GYS2: variants seen among roughly 807,000 people sequenced by gnomAD.
GYS2 encodes the protein glycogen [starch] synthase, liver.
In GYS2, 80 loss-of-function variants were observed where a neutral mutation model predicts 85.6. The ratio of observed to expected loss-of-function variants is 0.93; its 90% CI spans 0.78 to 1.13. GYS2 has a LOEUF of 1.13. Among genes scored for constraint, GYS2 ranks in the 50% most tolerant of loss-of-function variants. GYS2 has a pLI of 0.00. For synonymous variants in GYS2, 328 were observed against 300.7 expected, an observed-to-expected ratio of 1.09 and a Z score of -0.94; for missense variants, 881 against 854.9, an observed-to-expected ratio of 1.03 and a Z score of -0.38.
intron 1 of GYS2, among the ~76,000 whole-genome samples, chr12:21,602,537 T>G (rs1247435575): frequency 2.0e-5 from 3 of 152,048 alleles, no homozygotes; most frequent in African/African-American, 7.2e-5. Context: ...CATACCAGGC[T>G]ATGATAATAT....
intron 11 of GYS2, among the ~76,000 whole-genome samples, chr12:21,554,580 A>T (rs1451378961): frequency 6.6e-6 from 1 of 152,166 alleles, no homozygotes; most frequent in African/African-American, 2.4e-5. Context: ...AACACAATTT[A>T]TTGTAATCAC....
intron 3 of GYS2, among the ~76,000 whole-genome samples, 180 bp downstream of exon 3, chr12:21,575,686 C>T (rs954935482): frequency 1.1e-4 from 17 of 152,108 alleles, no homozygotes; most frequent in African/African-American, 2.9e-4. Context: ...ATCATTATTA[C>T]GCTATTCCAT....
intron 7 of GYS2, among the ~76,000 whole-genome samples, chr12:21,562,053 C>T (rs1282118969): frequency 1.3e-5 from 2 of 152,160 alleles, no homozygotes; most frequent in African/African-American, 4.8e-5. Flanking sequence ...AAACCAATAG[C>T]TGCCATCAAT....
At chr12:21,555,571 A>G (rs773092625) in intron 11 of GYS2, among the ~76,000 whole-genome samples, 2 of 152,214 alleles carry the variant, frequency 1.3e-5, no homozygotes, top group African/African-American at 2.4e-5. Flanking sequence ...CATTTGTCTC[A>G]TCTGAGTTCC....
At chr12:21,603,591 A>G (rs539889835) in intron 1 of GYS2, among the ~76,000 whole-genome samples, 1 of 152,218 alleles carries the variant, frequency 6.6e-6, no homozygotes, top group East Asian at 1.9e-4. Context: ...AACACATGAC[A>G]TAATTTCAGA....
chr12:21,596,037 T>A (rs941972856), intron 1 of GYS2, among the ~76,000 whole-genome samples: 4 of 152,120 alleles, frequency 2.6e-5, no homozygotes, highest in African/African-American at 9.7e-5. Flanking sequence ...GTAGACCATA[T>A]GATAGGCCAT....
rs255437 is a variant in GYS2, at chr12:21,595,488, A to C, written c.121+8984T>G. Among the ~76,000 whole-genome samples the C allele has an allele frequency of 5.0e-3, 768 of 152,338 alleles. 6 individuals are homozygous for C. Among genetic ancestry groups the C allele is most frequent in the African/African-American group, 0.017 (715 of 41,582 alleles). On this transcript the variant is annotated intron_variant, in intron 1 of 15. Coordinates refer to ENST00000261195, the MANE Select transcript of GYS2 (RefSeq NM_021957.4). ...AGAGCTGAGCAAAATACAGGTGTAG[A>C]GGAAGCAGTGAGAAAGGCCCTGGGA... is the stretch of plus-strand genomic sequence containing the variant.
At chr12:21,590,416 T>A (rs544671626) in intron 1 of GYS2, among the ~76,000 whole-genome samples, 1 of 152,288 alleles carries the variant, frequency 6.6e-6, no homozygotes, top group Non-Finnish European at 1.5e-5. Context: ...AGCCTGATGA[T>A]GGGCCTACCC....
At chr12:21,548,630 A>G (rs116866990) in intron 11 of GYS2, among the ~76,000 whole-genome samples, 3,129 of 152,250 alleles carry the variant, frequency 0.021, 63 homozygotes, top group Non-Finnish European at 0.029. Flanking sequence ...CACTTGTATG[A>G]GCCAGTTCTG....
intron 12 of GYS2, among the ~76,000 whole-genome samples, chr12:21,545,373 C>T (rs1289774106): frequency 2.0e-5 from 3 of 152,130 alleles, no homozygotes; most frequent in Non-Finnish European, 4.4e-5. Flanking sequence ...ACCCAGGAGG[C>T]GAAGGTTGCA....
At chr12:21,548,178 T>A (rs1944064292) in intron 11 of GYS2, among the ~76,000 whole-genome samples, 1 of 152,206 alleles carries the variant, frequency 6.6e-6, no homozygotes, top group Non-Finnish European at 1.5e-5. Context: ...GTGACTTCTT[T>A]GCTGGGTCAG....
At position 21,540,557 on chromosome 12, in the gene GYS2, G is replaced by A. The variant is rs746242681; in HGVS notation, c.1662C>T (p.Asp554=). Residue 554 remains aspartate, a synonymous_variant, in exon 14 of 16, where the codon GAC becomes GAT. Transcript: ENST00000261195. Reference sequence around the variant, plus strand: ...AATCATCTGGAGAACGGAACCGCCTGTCAACGATGTAAATACCTGAAGAAC... The same window carrying A: ...AATCATCTGGAGAACGGAACCGCCTATCAACGATGTAAATACCTGAAGAAC... ...DPTAYGIYIV[D]RRFRSPDDSC... is the part of the protein sequence containing the mutation. 3.1e-6 allele frequency: 5 copies of A among 1,613,904 alleles called. No individual in the cohort carries two copies. The highest frequency in any genetic ancestry group is 4.2e-6 in the Non-Finnish European group (5 of 1,179,836).
At chr12:21,533,290 A>G (rs1298760742), downstream of GYS2, among the ~76,000 whole-genome samples, 3 of 152,196 alleles carry the variant, frequency 2.0e-5, no homozygotes, top group African/African-American at 7.2e-5. Context: ...TGTGTTCCTA[A>G]GAGAGGAGAG....
At chr12:21,549,200 A>C (rs1352465893) in intron 11 of GYS2, among the ~76,000 whole-genome samples, 1 of 152,150 alleles carries the variant, frequency 6.6e-6, no homozygotes, top group Non-Finnish European at 1.5e-5. Flanking sequence ...TATTTCTCCC[A>C]CTTACTACAG....
Position 21,604,767 on chromosome 12 carries a change from G to A in GYS2, c.-175C>T, listed in dbSNP as rs1944788829. 2 of 1,410,010 alleles carry A rather than the reference G, an allele frequency of 1.4e-6. No homozygotes were observed. Among genetic ancestry groups the A allele is most frequent in the African/African-American group, 1.4e-5 (1 of 69,046 alleles). 87.3% of individuals were successfully genotyped at this position (1,410,010 alleles called of 1,614,324 possible). The stretch of plus-strand genomic sequence containing the variant: ...CTTATGTGCTTCCCACAGAATTCCT[G>A]GTGGAAGGAGGAATTCTTCCTCCTC... On this transcript the variant is annotated 5_prime_UTR_variant, in exon 1 of 16. Transcript: ENST00000261195.
At chr12:21,598,625 G>A (rs554420662) in intron 1 of GYS2, among the ~76,000 whole-genome samples, 1 of 152,052 alleles carries the variant, frequency 6.6e-6, no homozygotes, top group Non-Finnish European at 1.5e-5. Flanking sequence ...GAATGCAAGA[G>A]CATAGAGACA....
chr12:21,571,072 T>G (rs1308340390), intron 4 of GYS2, among the ~76,000 whole-genome samples: 17 of 152,170 alleles, frequency 1.1e-4, no homozygotes, highest in Admixed American at 1.1e-3. Context: ...CATTTGGACA[T>G]TTAGAGATGG....
In GYS2 at chr12:21,575,838, C is replaced by T. The variant is rs763761125; in HGVS notation, c.495+28G>A. ...ACTGAAAGCAGTTGTGCTGCTCCTCCGTTGTATCACTATATAATAAACCAT... is the reference window on the plus strand; with the variant it reads ...ACTGAAAGCAGTTGTGCTGCTCCTCTGTTGTATCACTATATAATAAACCAT... On this transcript the variant is annotated intron_variant, in intron 3 of 15. Transcript: ENST00000261195. 8.6e-5 allele frequency: 133 copies of T among 1,548,108 alleles called. 1 individual carries two copies. In the South Asian group the frequency reaches 1.0e-3, roughly 12 times the overall value.
rs775403372 is a variant in GYS2, at chr12:21,537,140, T to C, written c.1926A>G (p.Val642=). 1 of 1,613,828 alleles carries C rather than the reference T, an allele frequency of 6.2e-7. No individual in the cohort carries two copies. Among genetic ancestry groups the C allele is most frequent in the Non-Finnish European group, 8.5e-7 (1 of 1,179,834 alleles). Reference sequence around the variant, plus strand: ...CCTGAGACCCTGAAGGAGAAGGTGGTACTGAGGAAGGCCTGGGATATTTAA... The same window carrying C: ...CCTGAGACCCTGAAGGAGAAGGTGGCACTGAGGAAGGCCTGGGATATTTAA... The part of the protein sequence containing the change: ...EGFKYPRPSS[V]PPSPSGSQAS... Residue 642 remains valine (V), a synonymous_variant, in exon 16 of 16, where the codon GTA becomes GTG. Coordinates refer to ENST00000261195, the MANE Select transcript of GYS2 (RefSeq NM_021957.4).
Sources: gnomAD v4.1 joint callset for allele counts (sites outside exome capture counted in the v4.1 genomes callset) on GRCh38, gnomAD v4.1.1 for gene constraint, MANE v1.5 for transcripts, NCBI Gene and HGNC (gene_info 2026-07-23, HGNC 2026-07-21) for gene names.